Variants in ZFYVE28 observed in about 807,000 individuals in gnomAD.
The protein encoded by ZFYVE28 is lateral signaling target protein 2 homolog.
ZFYVE28 carries 40 observed loss-of-function variants against 82.1 expected under a neutral mutation model. The observed-to-expected ratio is 0.49, with a 90% CI of 0.38 to 0.63. ZFYVE28 has a LOEUF of 0.63. Ranked by LOEUF, ZFYVE28 falls within the 30% of genes least tolerant of loss-of-function variation. The pLI is 0.00. For missense variants in ZFYVE28, 1,321 were observed against 1,242.1 expected, an observed-to-expected ratio of 1.06 and a Z score of -0.96; for synonymous variants, 612 against 546.1, an observed-to-expected ratio of 1.12 and a Z score of -1.68.
chr4:2,392,133 G>A (rs558153103), intron 1 of ZFYVE28, among the ~76,000 whole-genome samples: 4 of 150,240 alleles, frequency 2.7e-5, no homozygotes, highest in Non-Finnish European at 5.9e-5. Context: ...CATCCTGGGC[G>A]ACAGAGCAAG....
At chr4:2,398,609 G>A (rs1730742804) in intron 1 of ZFYVE28, among the ~76,000 whole-genome samples, 1 of 150,828 alleles carries the variant, frequency 6.6e-6, no homozygotes, top group Admixed American at 6.6e-5. Context: ...CGAGATCCAG[G>A]GCACAAGAGT....
chr4:2,341,673 T>C lies in ZFYVE28; in HGVS notation c.181-58A>G, dbSNP rs1722832613. 6 of 1,579,942 alleles carry C rather than the reference T, an allele frequency of 3.8e-6. No individual in the cohort carries two copies. The highest frequency in any genetic ancestry group is 1.1e-5 in the South Asian group (1 of 87,592). On this transcript the variant is annotated intron_variant, in intron 2 of 12. Coordinates refer to ENST00000290974, the MANE Select transcript of ZFYVE28 (RefSeq NM_020972.3). The surrounding 1 kb of genome is among the most constrained non-coding windows in gnomAD (Gnocchi z 4.5). ...CGCTGTGTCCAGCTGGCGGCCGCCATGTACTGCTGGAAAACACGCACGGTG... is the reference window on the plus strand; with the variant it reads ...CGCTGTGTCCAGCTGGCGGCCGCCACGTACTGCTGGAAAACACGCACGGTG...
intron 1 of ZFYVE28, among the ~76,000 whole-genome samples, chr4:2,381,689 G>A (rs1560313685): frequency 6.6e-6 from 1 of 152,212 alleles, no homozygotes; most frequent in South Asian, 2.1e-4. Context: ...TTATAGGCGT[G>A]AGCCACTGCA....
At chr4:2,351,038 G>A (rs918205112) in intron 2 of ZFYVE28, among the ~76,000 whole-genome samples, 1 of 152,170 alleles carries the variant, frequency 6.6e-6, no homozygotes, top group South Asian at 2.1e-4. Flanking sequence ...CCCAGAAGGG[G>A]GTCATGGGAG....
intron 2 of ZFYVE28, 63 bp downstream of exon 2, chr4:2,353,870 A>G: frequency 1.5e-6 from 2 of 1,362,830 alleles, no homozygotes; most frequent in Non-Finnish European, 1.9e-6. Context: ...TGGTCTACTG[A>G]GGACAGGCCA....
At chr4:2,413,735 C>T (rs1408854074) in intron 1 of ZFYVE28, among the ~76,000 whole-genome samples, 1 of 152,266 alleles carries the variant, frequency 6.6e-6, no homozygotes, top group Non-Finnish European at 1.5e-5. Flanking sequence ...GTCCCTGGAA[C>T]AGGGTCTGTG....
chr4:2,330,745 T>C (rs1720548702), intron 6 of ZFYVE28: 2 of 1,479,504 alleles, frequency 1.4e-6, no homozygotes, highest in African/African-American at 1.5e-5. Context: ...AAGGGGACAG[T>C]GCGGGGGAGG....
chr4:2,361,195 C>T (rs982668905), intron 1 of ZFYVE28, among the ~76,000 whole-genome samples: 2 of 152,132 alleles, frequency 1.3e-5, no homozygotes, highest in African/African-American at 4.8e-5. Context: ...GAAGGCATTT[C>T]GTTCACGGGG....
At chr4:2,364,377 G>A (rs1403324738) in intron 1 of ZFYVE28, 26 of 931,186 alleles carry the variant, frequency 2.8e-5, no homozygotes, top group Non-Finnish European at 3.3e-5. Context: ...GCCACTGAAC[G>A]CCCTGCCCGC....
intron 1 of ZFYVE28, among the ~76,000 whole-genome samples, chr4:2,370,263 AG>A (rs1727392634): frequency 6.6e-6 from 1 of 152,034 alleles, no homozygotes. Context: ...AGCGGAGAGA[AG>A]GGGATTTGCC....
chr4:2,404,722 A>G (rs1306838927), intron 1 of ZFYVE28, among the ~76,000 whole-genome samples: 1 of 152,216 alleles, frequency 6.6e-6, no homozygotes, highest in Admixed American at 6.5e-5. Flanking sequence ...GGGTGTTTAT[A>G]TGGGATGATG....
intron 8 of ZFYVE28, among the ~76,000 whole-genome samples, chr4:2,278,213 TTCTC>T (rs1228118324): frequency 2.0e-5 from 3 of 149,844 alleles, no homozygotes; most frequent in Non-Finnish European, 2.9e-5. Flanking sequence ...AACTCAAAGA[TTCTC>T]TCTTTTTTTT....
intron 8 of ZFYVE28, among the ~76,000 whole-genome samples, chr4:2,281,319 C>G (rs1409028990): frequency 6.6e-6 from 1 of 152,016 alleles, no homozygotes; most frequent in Non-Finnish European, 1.5e-5. Context: ...GTCAGCCATT[C>G]CTGGGGCCAT....
chr4:2,274,202 C>G lies in ZFYVE28; in HGVS notation c.2066G>C (p.Gly689Ala), dbSNP rs769909463. 1.2e-6 allele frequency: 2 copies of G among 1,613,388 alleles called. No homozygotes were observed. The highest frequency in any genetic ancestry group is 1.7e-4 in the Middle Eastern group (1 of 6,052). The change falls in exon 9 of 13, where the codon GGG becomes GCG. Residue 689 changes from glycine (G) to alanine (A), a missense_variant. Physicochemically the swap from Gly to Ala is moderately conservative, Grantham distance 60. Transcript: ENST00000290974. Reference protein sequence around the residue: ...ALSGSSSSTAGSCSSDKMGPE... With the variant: ...ALSGSSSSTAASCSSDKMGPE... ...CCCCATCTTGTCTGAGGAGCAGGAC[C>G]CAGCTGTGGAGCTGCTGCATGGAGA...
chr4:2,415,809 A>T (rs1732976936), intron 1 of ZFYVE28, among the ~76,000 whole-genome samples: 1 of 152,258 alleles, frequency 6.6e-6, no homozygotes, highest in South Asian at 2.1e-4. Flanking sequence ...ATGGAGTGAC[A>T]TAACATACTC....
At position 2,279,590 on chromosome 4, in the gene ZFYVE28, T is replaced by C. The variant is rs553720663; in HGVS notation, c.2052-5374A>G. On this transcript the variant is annotated intron_variant, in intron 8 of 12. Transcript: ENST00000290974. ...GTCAGGAGATCGAGACCATCCTGGC[T>C]AACACGATGAAACCCTGTCTCTACT... Among the ~76,000 whole-genome samples, 175 of 152,118 alleles carry C rather than the reference T, an allele frequency of 1.2e-3. 1 individual carries two copies. Among genetic ancestry groups the C allele is most frequent in the East Asian group, 7.7e-3 (40 of 5,188 alleles).
At chr4:2,289,494 G>A (rs940200208) in intron 8 of ZFYVE28, among the ~76,000 whole-genome samples, 2 of 152,162 alleles carry the variant, frequency 1.3e-5, no homozygotes, top group African/African-American at 4.8e-5. Flanking sequence ...AGACCTCAGG[G>A]CCACAGCCTC....
intron 9 of ZFYVE28, among the ~76,000 whole-genome samples, chr4:2,273,717 C>T (rs987222599): frequency 6.6e-6 from 1 of 152,218 alleles, no homozygotes; most frequent in Non-Finnish European, 1.5e-5. Flanking sequence ...GTCCACCCCT[C>T]GCAGGCACAG....
rs537868487 is a variant in ZFYVE28 at position 2,329,908 on chromosome 4, G to T, written c.701+5797C>A. 3.8e-4 allele frequency among the ~76,000 whole-genome samples: 58 copies of T among 152,202 alleles called. 1 individual carries two copies. The highest frequency in any genetic ancestry group is 1.2e-3 in the African/African-American group (51 of 41,522). ...ATAATCTTTGTGGATATATATTTGT[G>T]CCCCCTCAGATCAATGCAACAAAAT... On this transcript the variant is annotated intron_variant, in intron 6 of 12. Coordinates refer to ENST00000290974, the MANE Select transcript of ZFYVE28 (RefSeq NM_020972.3).
Sources: gnomAD v4.1 joint callset for allele counts (sites outside exome capture counted in the v4.1 genomes callset) on GRCh38, gnomAD v4.1.1 for gene constraint, Gnocchi (gnomAD v3.1) non-coding constraint, MANE v1.5 for transcripts, NCBI Gene and HGNC (gene_info 2026-07-23, HGNC 2026-07-21) for gene names.